The following DEFB112 variants were observed in gnomAD, a reference collection of about 807,000 sequenced individuals.
DEFB112 encodes the protein defensin beta 112, also known as beta-defensin 112.
In DEFB112, 2 loss-of-function variants were observed where a neutral mutation model predicts 1.1. That is an observed-to-expected ratio of 1.85 (90% CI 0.76 to 5.83). DEFB112 has a LOEUF of 5.83. DEFB112 is among the 30% of genes most tolerant of loss of function. DEFB112 has a pLI of 0.05. For synonymous variants in DEFB112, 40 were observed against 31.2 expected (o/e 1.28, Z -0.93); for missense variants, 120 against 94.4 (o/e 1.27, Z -1.12).
At chr6:50,046,468 A>G (rs1774836117) in intron 1 of DEFB112, among the ~76,000 whole-genome samples, 1 of 152,112 alleles carries the variant, frequency 6.6e-6, no homozygotes, top group Non-Finnish European at 1.5e-5. Context: ...TGTTTCTTGA[A>G]GCATATTGAA....
At position 50,042,662 on chromosome 6, in the gene DEFB112, C is replaced by A. The variant is rs1774763878; in HGVS notation, c.*913G>T. Reference sequence around the variant, plus strand: ...CAAAATGTTTGAATAAGGGGAAAATCTTTAATCTAGGTGAGGTATTAAGAC... The same window carrying A: ...CAAAATGTTTGAATAAGGGGAAAATATTTAATCTAGGTGAGGTATTAAGAC... On this transcript the variant is annotated 3_prime_UTR_variant, in exon 2 of 2. Coordinates refer to ENST00000651554, the MANE Select transcript of DEFB112 (RefSeq NM_001369057.2). 6.6e-6 allele frequency among the ~76,000 whole-genome samples: 1 copy of A among 151,708 alleles called. No homozygotes were observed. The highest frequency in any genetic ancestry group is 1.5e-5 in the Non-Finnish European group (1 of 67,922).
chr6:50,043,542 T>C lies in DEFB112; in HGVS notation c.*33A>G, dbSNP rs1774779864. On this transcript the variant is annotated 3_prime_UTR_variant, in exon 2 of 2. Transcript: ENST00000651554. ...TGATGAAATAATGAGAGGACTTCATTCAGATGTATCATCTTCTTGTGCATG... is the reference window on the plus strand; with the variant it reads ...TGATGAAATAATGAGAGGACTTCATCCAGATGTATCATCTTCTTGTGCATG... 3 of 1,550,348 alleles carry C rather than the reference T, an allele frequency of 1.9e-6. No individual in the cohort carries two copies. The highest frequency in any genetic ancestry group is 2.7e-6 in the Non-Finnish European group (3 of 1,125,770).
At chr6:50,046,863 A>G (rs1480555258) in intron 1 of DEFB112, among the ~76,000 whole-genome samples, 2 of 152,276 alleles carry the variant, frequency 1.3e-5, no homozygotes, top group East Asian at 3.9e-4. Context: ...ATGGGTCCTA[A>G]AACATAGGTT....
At chr6:50,048,722 A>G in intron 1 of DEFB112, 2 of 1,079,642 alleles carry the variant, frequency 1.9e-6, no homozygotes. Context: ...GAGGAAAAAT[A>G]TTTTCAGAAA....
intron 1 of DEFB112, among the ~76,000 whole-genome samples, chr6:50,044,679 T>C (rs548668372): frequency 5.9e-5 from 9 of 151,946 alleles, no homozygotes; most frequent in Non-Finnish European, 1.2e-4. Context: ...ATCTATATAA[T>C]AATTTTTAAA....
At chr6:50,048,703 T>C in intron 1 of DEFB112, 1 of 1,333,380 alleles carries the variant, frequency 7.5e-7, no homozygotes, top group Non-Finnish European at 1.1e-6. Context: ...AAAATTACTT[T>C]AAAAGTAGGA....
chr6:50,044,752 T>C (rs1487970752), intron 1 of DEFB112, among the ~76,000 whole-genome samples: 15 of 152,180 alleles, frequency 9.9e-5, no homozygotes, highest in Middle Eastern at 3.4e-3. Context: ...TATCTACCAT[T>C]ACTCGACTAA....
At chr6:50,043,929 T>C in intron 1 of DEFB112, 128 bp from the exon 2 acceptor site, 2 of 798,534 alleles carry the variant, frequency 2.5e-6, no homozygotes, top group South Asian at 3.5e-5. Context: ...CTTTAATTTT[T>C]TTGTCCATAT....
At position 50,042,739 on chromosome 6, in the gene DEFB112, C is replaced by T. The variant is rs1774765229; in HGVS notation, c.*836G>A. 1.3e-5 allele frequency among the ~76,000 whole-genome samples: 2 copies of T among 151,936 alleles called. 1 individual carries two copies. The highest frequency in any genetic ancestry group is 1.3e-4 in the Admixed American group (2 of 15,198). On this transcript the variant is annotated 3_prime_UTR_variant, in exon 2 of 2. Transcript: ENST00000651554. ...CACAATTTAGCCTTTGTTAACACAT[C>T]CTTGCCACATAAATCCTGGGTATGA...
chr6:50,043,474 AT>A lies in DEFB112; in HGVS notation c.*100del. ...ATATATTTTATTTAATTATTTATTC[AT>A]TATAGGTATGCATGCATGGAAATTA... On this transcript the variant is annotated 3_prime_UTR_variant, in exon 2 of 2. Transcript: ENST00000651554. The A allele has an allele frequency of 1.4e-6, 1 of 734,712 alleles. No homozygotes were observed. Among genetic ancestry groups the A allele is most frequent in the Non-Finnish European group, 2.3e-6 (1 of 440,740 alleles). 45.5% of individuals were successfully genotyped at this position (734,712 alleles called of 1,614,324 possible).
chr6:50,043,551 T>A lies in DEFB112; in HGVS notation c.*24A>T, dbSNP rs772716071. 5.1e-6 allele frequency: 8 copies of A among 1,582,914 alleles called. No individual in the cohort carries two copies. In the South Asian group the frequency reaches 7.8e-5, roughly 15 times the overall value. ...AATGAGAGGACTTCATTCAGATGTA[T>A]CATCTTCTTGTGCATGGATTTCTTC... On this transcript the variant is annotated 3_prime_UTR_variant, in exon 2 of 2. Transcript: ENST00000651554.
chr6:50,047,398 G>A (rs749809987), intron 1 of DEFB112, among the ~76,000 whole-genome samples: 20 of 152,148 alleles, frequency 1.3e-4, no homozygotes, highest in Non-Finnish European at 2.6e-4. Flanking sequence ...TCCTTCACAG[G>A]GAGGGTATCT....
At chr6:50,044,333 G>T (rs947685720) in intron 1 of DEFB112, among the ~76,000 whole-genome samples, 5 of 152,056 alleles carry the variant, frequency 3.3e-5, no homozygotes, top group African/African-American at 1.2e-4. Context: ...AGACACTTTG[G>T]GGTGATTAGA....
At position 50,047,237 on chromosome 6, in the gene DEFB112, C is replaced by T. The variant is rs74385213; in HGVS notation, c.58+2575G>A. On this transcript the variant is annotated intron_variant, in intron 1 of 1. Coordinates refer to ENST00000651554, the MANE Select transcript of DEFB112 (RefSeq NM_001369057.2). ...GCCTAGAGCCAGAGGCTGTCAGATCCGGCCTGGTGCCAGAGCAGACTTGGA... is the reference window on the plus strand; with the variant it reads ...GCCTAGAGCCAGAGGCTGTCAGATCTGGCCTGGTGCCAGAGCAGACTTGGA... Among the ~76,000 whole-genome samples the T allele has an allele frequency of 3.0e-3, 464 of 152,272 alleles. 1 individual carries two copies. The highest frequency in any genetic ancestry group is 4.3e-3 in the Non-Finnish European group (291 of 68,020).
chr6:50,044,092 T>C (rs1774795258), intron 1 of DEFB112, among the ~76,000 whole-genome samples: 1 of 152,082 alleles, frequency 6.6e-6, no homozygotes, highest in Non-Finnish European at 1.5e-5. Flanking sequence ...GTACATTGAC[T>C]AGAACCATTG....
In DEFB112 at chr6:50,043,734, A is replaced by G. The variant is rs973833541; in HGVS notation, c.126T>C (p.Cys42=). ...ATTCACTATCATCACATTGATTTTT[A>G]CATCGACCTCCAATCGCTGTACATG... is the stretch of plus-strand genomic sequence containing the variant. The part of the protein sequence containing the change: ...WKSCTAIGGR[C]KNQCDDSEFR... Residue 42 remains cysteine (C), a synonymous_variant, in exon 2 of 2, where the codon TGT becomes TGC. Transcript: ENST00000651554. 7 of 1,613,374 alleles carry G rather than the reference A, an allele frequency of 4.3e-6. No homozygotes were observed. Among genetic ancestry groups the G allele is most frequent in the Middle Eastern group, 1.6e-4 (1 of 6,082 alleles).
intron 1 of DEFB112, among the ~76,000 whole-genome samples, chr6:50,045,893 A>T (rs968751029): frequency 2.0e-4 from 31 of 152,122 alleles, no homozygotes; most frequent in African/African-American, 7.2e-4. Context: ...AATTTGACTC[A>T]ATTTTTCATC....
intron 1 of DEFB112, among the ~76,000 whole-genome samples, chr6:50,044,291 G>A (rs1774798747): frequency 6.6e-6 from 1 of 152,002 alleles, no homozygotes; most frequent in Non-Finnish European, 1.5e-5. Flanking sequence ...GCACCCTAGA[G>A]CCAAGCACAA....
intron 1 of DEFB112, among the ~76,000 whole-genome samples, chr6:50,047,364 T>G (rs1774851934): frequency 6.6e-6 from 1 of 152,182 alleles, no homozygotes; most frequent in Non-Finnish European, 1.5e-5. Context: ...CCAAGGCTAA[T>G]TTCTATGGTC....
Sources: allele counts gnomAD v4.1 joint callset (sites outside exome capture counted in the v4.1 genomes callset), GRCh38; gene constraint gnomAD v4.1.1; transcripts MANE v1.5; gene names NCBI Gene and HGNC (gene_info 2026-07-23, HGNC 2026-07-21).